SAMD3: variants seen among roughly 807,000 people sequenced by gnomAD.
SAMD3 encodes sterile alpha motif domain containing 3.
SAMD3 carries 63 observed loss-of-function variants against 58.5 expected under a neutral mutation model. The ratio of observed to expected loss-of-function variants is 1.08; its 90% CI spans 0.88 to 1.33. The LOEUF is 1.33. SAMD3 is among the 40% of genes most tolerant of loss of function. The pLI, the probability that SAMD3 is intolerant of heterozygous loss-of-function variation, is 0.00. For synonymous variants in SAMD3, 220 were observed against 210.3 expected (o/e 1.05, Z -0.40); for missense variants, 604 against 608.4 (o/e 0.99, Z 0.08).
At chr6:130,146,530 A>G (rs1204035066) in intron 9 of SAMD3, among the ~76,000 whole-genome samples, 1 of 152,210 alleles carries the variant, frequency 6.6e-6, no homozygotes, top group Non-Finnish European at 1.5e-5. Flanking sequence ...TCTTTAGGTG[A>G]CTACATTGTT....
chr6:130,149,566 A>G (rs34198126), intron 9 of SAMD3, among the ~76,000 whole-genome samples: 5,756 of 152,320 alleles, frequency 0.038, 146 homozygotes, highest in Non-Finnish European at 0.059. Context: ...TTGCAGCAAC[A>G]TAGGTGTAGC....
Position 130,184,557 on chromosome 6 carries a change from T to C in SAMD3, c.450A>G (p.Pro150=). 6.2e-7 allele frequency: 1 copy of C among 1,614,152 alleles called. No homozygotes were observed. The highest frequency in any genetic ancestry group is 2.2e-5 in the East Asian group (1 of 44,878). ...TGCATTTGACATCATAGGGAAACTC[T>C]GGTAAAACATAGGACTTCGTCCACT... ...ALQWTKSYVL[P]EFPYDVKCML... Residue 150 remains proline (P), a synonymous_variant, in exon 6 of 12, where the codon CCA becomes CCG. Transcript: ENST00000439090.
At chr6:130,186,972 A>C (rs991247953) in intron 5 of SAMD3, among the ~76,000 whole-genome samples, 1 of 151,626 alleles carries the variant, frequency 6.6e-6, no homozygotes, top group Non-Finnish European at 1.5e-5. Flanking sequence ...GTGTTTCACC[A>C]TGTTGGCCAG....
intron 2 of SAMD3, among the ~76,000 whole-genome samples, chr6:130,305,222 G>T (rs1583075288): frequency 6.6e-6 from 1 of 152,016 alleles, no homozygotes; most frequent in East Asian, 1.9e-4. Context: ...TTTTCTATTT[G>T]TTGCTGGTAT....
At chr6:130,228,958 G>A (rs1424480116) in intron 2 of SAMD3, among the ~76,000 whole-genome samples, 1 of 152,174 alleles carries the variant, frequency 6.6e-6, no homozygotes. Context: ...ACAAAAGCTT[G>A]AGCCTTAAGG....
intron 2 of SAMD3, among the ~76,000 whole-genome samples, chr6:130,249,303 G>T: frequency 6.6e-6 from 1 of 152,050 alleles, no homozygotes; most frequent in Non-Finnish European, 1.5e-5. Flanking sequence ...TCTTAATCTA[G>T]TAAAAATGGC....
intron 9 of SAMD3, among the ~76,000 whole-genome samples, chr6:130,154,436 G>A (rs1031149775): frequency 6.6e-6 from 1 of 151,790 alleles, no homozygotes; most frequent in African/African-American, 2.4e-5. Context: ...TTTGGACACT[G>A]TAATCCCAGC....
At chr6:130,315,887 T>C (rs1384110784) in intron 1 of SAMD3, among the ~76,000 whole-genome samples, 3 of 152,148 alleles carry the variant, frequency 2.0e-5, no homozygotes, top group African/African-American at 7.2e-5. Context: ...TTGGGGGACT[T>C]TGTGACTTCC....
At chr6:130,292,567 G>A (rs1046116951) in intron 2 of SAMD3, among the ~76,000 whole-genome samples, 3 of 151,782 alleles carry the variant, frequency 2.0e-5, no homozygotes, top group African/African-American at 4.8e-5. Context: ...GATTCCAGGC[G>A]TGTGTCACCA....
intron 5 of SAMD3, among the ~76,000 whole-genome samples, chr6:130,203,679 G>A (rs142335420): frequency 5.8e-4 from 89 of 152,296 alleles, no homozygotes; most frequent in Middle Eastern, 6.8e-3. Context: ...GAACATTGTT[G>A]ATCACCTGTG....
chr6:130,192,981 T>A (rs1205074352), intron 5 of SAMD3, among the ~76,000 whole-genome samples: 1 of 152,206 alleles, frequency 6.6e-6, no homozygotes, highest in Non-Finnish European at 1.5e-5. Flanking sequence ...CCTTTCATTT[T>A]CTGGTAGAGA....
At chr6:130,193,091 C>G (rs1793705613) in intron 5 of SAMD3, among the ~76,000 whole-genome samples, 2 of 152,202 alleles carry the variant, frequency 1.3e-5, no homozygotes, top group Admixed American at 6.5e-5. Flanking sequence ...AGGGACGCCT[C>G]TCTGATTATT....
At chr6:130,312,102 C>A (rs1453179338) in intron 2 of SAMD3, among the ~76,000 whole-genome samples, 1 of 152,194 alleles carries the variant, frequency 6.6e-6, no homozygotes, top group East Asian at 1.9e-4. Flanking sequence ...TGAACAAATT[C>A]TTGCTTCTGT....
intron 1 of SAMD3, among the ~76,000 whole-genome samples, chr6:130,329,032 C>T (rs1175528893): frequency 6.8e-6 from 1 of 146,202 alleles, no homozygotes; most frequent in African/African-American, 2.6e-5. Flanking sequence ...AGACCAATAT[C>T]TCTCTCTCTC....
chr6:130,157,344 A>AT (rs11405398), intron 8 of SAMD3, among the ~76,000 whole-genome samples: 130,500 of 148,496 alleles, frequency 0.88, 57,413 homozygotes, highest in East Asian at 0.97. Flanking sequence ...GAGCTAACAT[A>AT]TTTTTTTTTT....
intron 2 of SAMD3, among the ~76,000 whole-genome samples, chr6:130,272,264 T>C (rs1774592120): frequency 1.3e-5 from 2 of 152,236 alleles, no homozygotes; most frequent in African/African-American, 2.4e-5. Flanking sequence ...TTTGAAATGC[T>C]ATCTTTACTG....
chr6:130,358,246 A>G (rs1434775583), intron 1 of SAMD3, among the ~76,000 whole-genome samples: 1 of 152,228 alleles, frequency 6.6e-6, no homozygotes, highest in Admixed American at 6.5e-5. Flanking sequence ...TATCTAAAAG[A>G]AGCAAATGGA....
chr6:130,278,993 C>A (rs554239703), intron 2 of SAMD3, among the ~76,000 whole-genome samples: 1 of 152,030 alleles, frequency 6.6e-6, no homozygotes, highest in East Asian at 1.9e-4. Context: ...AGAGAATGAA[C>A]CTTAGAATCA....
intron 1 of SAMD3, among the ~76,000 whole-genome samples, chr6:130,353,583 T>G (rs1479759652): frequency 6.6e-6 from 1 of 152,214 alleles, no homozygotes; most frequent in Non-Finnish European, 1.5e-5. Flanking sequence ...CTAGCCCTCT[T>G]TTTAATCCAG....
Sources: allele counts gnomAD v4.1 joint callset (sites outside exome capture counted in the v4.1 genomes callset), GRCh38; gene constraint gnomAD v4.1.1; transcripts MANE v1.5; gene names NCBI Gene and HGNC (gene_info 2026-07-23, HGNC 2026-07-21).